The following DTWD2 variants were observed in gnomAD, a reference collection of about 807,000 sequenced individuals.
The protein encoded by DTWD2 is DTW motif tRNA-uridine aminocarboxypropyltransferase 2, also known as tRNA-uridine aminocarboxypropyltransferase 2.
DTWD2 carries 39 observed loss-of-function variants against 31.8 expected under a neutral mutation model. The ratio of observed to expected loss-of-function variants is 1.22; its 90% CI spans 0.95 to 1.60. The LOEUF (loss-of-function observed/expected upper bound fraction) is 1.60, where lower values mean the gene tolerates loss of function less well. DTWD2 is among the 40% of genes most tolerant of loss of function. DTWD2 has a pLI of 0.00. For synonymous variants in DTWD2, 180 were observed against 142.8 expected (o/e 1.26, Z -1.86); for missense variants, 515 against 381.5 (o/e 1.35, Z -2.92).
chr5:118,935,271 T>C (rs1263906802), intron 3 of DTWD2, among the ~76,000 whole-genome samples: 1 of 152,204 alleles, frequency 6.6e-6, no homozygotes, highest in African/African-American at 2.4e-5. Context: ...TATCATAAAC[T>C]GGTAAACATT....
chr5:118,975,974 T>C (rs1477031385), intron 1 of DTWD2, among the ~76,000 whole-genome samples: 1 of 152,094 alleles, frequency 6.6e-6, no homozygotes, highest in Middle Eastern at 3.2e-3. Flanking sequence ...TGCAAAAGAA[T>C]GGAAATCATA....
At chr5:118,878,866 G>A (rs1039185467) in intron 4 of DTWD2, among the ~76,000 whole-genome samples, 1 of 151,954 alleles carries the variant, frequency 6.6e-6, no homozygotes, top group Non-Finnish European at 1.5e-5. Context: ...ACATACATGT[G>A]GCCAACAGTC....
rs77491221 is a variant in DTWD2, at chr5:118,931,618, A to G, written c.405-2889T>C. 6.8e-3 allele frequency among the ~76,000 whole-genome samples: 1,031 copies of G among 152,310 alleles called. 21 individuals carry two copies. The highest frequency in any genetic ancestry group is 0.023 in the African/African-American group (976 of 41,556). On this transcript the variant is annotated intron_variant, in intron 3 of 5. Coordinates refer to ENST00000510708, the MANE Select transcript of DTWD2 (RefSeq NM_173666.4). ...AAAACCAATAGAACTGAAAAAAGAAACAGACAAATCCAGTAATACAGTTGG... is the reference window on the plus strand; with the variant it reads ...AAAACCAATAGAACTGAAAAAAGAAGCAGACAAATCCAGTAATACAGTTGG...
At chr5:118,955,094 A>G (rs1754555056) in intron 1 of DTWD2, among the ~76,000 whole-genome samples, 2 of 152,216 alleles carry the variant, frequency 1.3e-5, no homozygotes, top group South Asian at 4.1e-4. Context: ...AAAAATAGCT[A>G]AACAATTTAT....
intron 4 of DTWD2, among the ~76,000 whole-genome samples, chr5:118,851,005 C>T (rs1580765518): frequency 2.0e-5 from 3 of 152,020 alleles, no homozygotes; most frequent in African/African-American, 4.8e-5. Flanking sequence ...CCAGCACTTT[C>T]GGAGGCCGAG....
chr5:118,905,837 A>G (rs953250547), intron 4 of DTWD2, among the ~76,000 whole-genome samples: 3 of 152,146 alleles, frequency 2.0e-5, no homozygotes, highest in Non-Finnish European at 4.4e-5. Flanking sequence ...CTTATTTTTT[A>G]ACATCATGTA....
intron 4 of DTWD2, among the ~76,000 whole-genome samples, chr5:118,858,634 A>G (rs1264413196): frequency 6.6e-6 from 1 of 152,184 alleles, no homozygotes; most frequent in Non-Finnish European, 1.5e-5. Context: ...TGTAACCCCT[A>G]GTTCCTTGCT....
At chr5:118,879,288 C>G (rs1752687172) in intron 4 of DTWD2, among the ~76,000 whole-genome samples, 1 of 151,998 alleles carries the variant, frequency 6.6e-6, no homozygotes, top group South Asian at 2.1e-4. Flanking sequence ...ACATATACAC[C>G]ATGGAATATT....
At chr5:118,945,565 G>C (rs1480639938) in intron 1 of DTWD2, among the ~76,000 whole-genome samples, 5 of 152,074 alleles carry the variant, frequency 3.3e-5, no homozygotes, top group Admixed American at 6.5e-5. Flanking sequence ...AAGAGTTCAA[G>C]ACCAGCCTGG....
chr5:118,837,079 T>C lies in DTWD2; in HGVS notation c.*3838A>G, dbSNP rs1293965011. On this transcript the variant is annotated 3_prime_UTR_variant, in exon 6 of 6. Transcript: ENST00000510708. The stretch of plus-strand genomic sequence containing the variant: ...CTATGTAAGGATGTATGAGTATTTG[T>C]ATAAATAACAACAGCTAGTACATAC... Among the ~76,000 whole-genome samples, 2 of 152,168 alleles carry C rather than the reference T, an allele frequency of 1.3e-5. No individual in the cohort carries two copies. Among genetic ancestry groups the C allele is most frequent in the East Asian group, 1.9e-4 (1 of 5,196 alleles).
rs767918613 is a variant in DTWD2, at chr5:118,841,008, A to G, written c.806T>C (p.Leu269Pro). ...GAQIRLSKEH[L>P]LKNGLYPKPM... is the part of the protein sequence containing the mutation. ...TTTAGGATATAATCCATTTTTCAGA[A>G]GGTGTTCCTTGCTGAGGCGAATTTG... is the stretch of plus-strand genomic sequence containing the variant. The change falls in exon 6 of 6, where the codon CTT (leucine) becomes CCT (proline). Residue 269 changes from leucine (L) to proline (P), a missense_variant. By Grantham distance (98) the Leu-to-Pro change is moderately conservative. Transcript: ENST00000510708. 54 of 1,613,690 alleles carry G rather than the reference A, an allele frequency of 3.3e-5. No homozygotes were observed. Among genetic ancestry groups the G allele is most frequent in the Non-Finnish European group, 4.5e-5 (53 of 1,179,862 alleles).
At chr5:118,979,300 T>A (rs1435020797) in intron 1 of DTWD2, among the ~76,000 whole-genome samples, 2 of 151,004 alleles carry the variant, frequency 1.3e-5, no homozygotes, top group African/African-American at 4.9e-5. Context: ...CAAGAGTCCA[T>A]CCCCAAAAAA....
At chr5:118,910,363 C>T (rs1267171745) in intron 4 of DTWD2, among the ~76,000 whole-genome samples, 1 of 152,178 alleles carries the variant, frequency 6.6e-6, no homozygotes, top group Admixed American at 6.5e-5. Flanking sequence ...CTGCCAAGGT[C>T]TTTATTACTT....
At position 118,885,859 on chromosome 5, in the gene DTWD2, G is replaced by A. The variant is rs145586530; in HGVS notation, c.598-37641C>T. Among the ~76,000 whole-genome samples the A allele has an allele frequency of 2.4e-3, 366 of 152,200 alleles. 2 individuals carry two copies. Among genetic ancestry groups the A allele is most frequent in the African/African-American group, 8.6e-3 (358 of 41,550 alleles). Reference sequence around the variant, plus strand: ...ATGCAACTGTAGTCCCAGCTACTTAGGGGGCTGAGGTGTAAGGATCCCTTT... The same window carrying A: ...ATGCAACTGTAGTCCCAGCTACTTAAGGGGCTGAGGTGTAAGGATCCCTTT... On this transcript the variant is annotated intron_variant, in intron 4 of 5. Coordinates refer to ENST00000510708, the MANE Select transcript of DTWD2 (RefSeq NM_173666.4).
At chr5:118,841,816 T>C (rs969292180) in intron 5 of DTWD2, among the ~76,000 whole-genome samples, 2 of 151,934 alleles carry the variant, frequency 1.3e-5, no homozygotes, top group Non-Finnish European at 2.9e-5. Flanking sequence ...TTTAAACATA[T>C]TTTGGGTGAG....
intron 1 of DTWD2, among the ~76,000 whole-genome samples, chr5:118,965,493 G>T (rs1437351046): frequency 6.6e-6 from 1 of 152,240 alleles, no homozygotes; most frequent in East Asian, 1.9e-4. Context: ...AGGGGGAAAT[G>T]TGGGGAAAAG....
intron 1 of DTWD2, among the ~76,000 whole-genome samples, chr5:118,980,332 G>C (rs1039324052): frequency 6.6e-6 from 1 of 152,234 alleles, no homozygotes; most frequent in African/African-American, 2.4e-5. Flanking sequence ...TGTAGAGCTT[G>C]GAGTGGGAGG....
At chr5:118,949,870 A>T (rs1440564889) in intron 1 of DTWD2, among the ~76,000 whole-genome samples, 1 of 152,160 alleles carries the variant, frequency 6.6e-6, no homozygotes, top group Non-Finnish European at 1.5e-5. Context: ...AGACCTAATA[A>T]GGGAACTGGG....
intron 3 of DTWD2, among the ~76,000 whole-genome samples, chr5:118,934,352 T>C (rs1334836414): frequency 1.0e-5 from 1 of 96,522 alleles, no homozygotes. Context: ...ATTGCAAAAA[T>C]AGTACAGAGA....
Sources: gnomAD v4.1 joint callset for allele counts (sites outside exome capture counted in the v4.1 genomes callset) on GRCh38, gnomAD v4.1.1 for gene constraint, MANE v1.5 for transcripts, NCBI Gene and HGNC (gene_info 2026-07-23, HGNC 2026-07-21) for gene names.